Variants in ZDHHC11B observed in about 807,000 individuals in gnomAD.
ZDHHC11B encodes the protein probable palmitoyltransferase ZDHHC11B.
A neutral mutation model predicts 42.3 loss-of-function variants in ZDHHC11B; 17 were observed. That is an observed-to-expected ratio of 0.40 (90% CI 0.27 to 0.60). The LOEUF (loss-of-function observed/expected upper bound fraction) is 0.60, where lower values mean the gene tolerates loss of function less well. Ranked by LOEUF, ZDHHC11B falls within the 20% of genes least tolerant of loss-of-function variation. The pLI is 0.41. For missense variants in ZDHHC11B, 262 were observed against 463.2 expected (o/e 0.57, Z 3.99); for synonymous variants, 123 against 193.5 (o/e 0.64, Z 3.02).
At chr5:732,167 G>C (rs113006364) in intron 11 of ZDHHC11B, 2,134 of 158,154 alleles carry the variant, frequency 0.013, 114 homozygotes, top group African/African-American at 0.049. Flanking sequence ...TGTCAGTGAA[G>C]TCACGCTCAT....
chr5:770,564 G>C (rs535542967), intron 1 of ZDHHC11B, among the ~76,000 whole-genome samples: 1 of 150,486 alleles, frequency 6.6e-6, no homozygotes, highest in Non-Finnish European at 1.5e-5. Context: ...TCGGGATCAC[G>C]CACTCCCCAG....
rs1443732512 is a variant in ZDHHC11B, at chr5:716,546, A to G, written c.*7+255T>C. Among the ~76,000 whole-genome samples, 96 of 151,564 alleles carry G rather than the reference A, an allele frequency of 6.3e-4. No individual in the cohort carries two copies. The East Asian group carries it at 0.014, about 22-fold the overall frequency. On this transcript the variant is annotated intron_variant, in intron 13 of 13. Transcript: ENST00000508859. ...CTTAAAGGCAAGTATGGAAATGAGC[A>G]GTGTTCAATCTATACATTGTTTACT...
Position 725,204 on chromosome 5 carries a change from A to G in ZDHHC11B, c.1058+5230T>C, listed in dbSNP as rs1488738478. ...CTTGTGAGGACAAGCAGAGGAGGCC[A>G]TCGGAGAACCAGGAAGGGGCTCTCA... On this transcript the variant is annotated intron_variant, in intron 12 of 13. Coordinates refer to ENST00000508859, the MANE Select transcript of ZDHHC11B (RefSeq NM_001351303.2). 1.1e-4 allele frequency among the ~76,000 whole-genome samples: 16 copies of G among 150,420 alleles called. 1 individual carries two copies. The highest frequency in any genetic ancestry group is 3.7e-4 in the African/African-American group (15 of 40,374).
rs1741285656 is a variant in ZDHHC11B, at chr5:710,608, TTC to T, written c.*1680_*1681del. The stretch of plus-strand genomic sequence containing the variant: ...ATTTCACAGTACTGTGTGCTCCCAT[TTC>T]TCAGTACTGGGCTCCCATTTCCCAG... On this transcript the variant is annotated 3_prime_UTR_variant, in exon 14 of 14. Coordinates refer to ENST00000508859, the MANE Select transcript of ZDHHC11B (RefSeq NM_001351303.2). The T allele has an allele frequency of 6.5e-6, 1 of 154,172 alleles. No homozygotes were observed. Among genetic ancestry groups the T allele is most frequent in the East Asian group, 1.9e-4 (1 of 5,194 alleles). 9.6% of individuals were successfully genotyped at this position (154,172 alleles called of 1,614,324 possible).
At chr5:742,557 C>T (rs1371669626) in intron 9 of ZDHHC11B, among the ~76,000 whole-genome samples, 9 of 146,638 alleles carry the variant, frequency 6.1e-5, no homozygotes, top group Non-Finnish European at 1.0e-4. Context: ...CCATTTTCCC[C>T]GCAGTGTGTG....
At chr5:755,891 C>T in intron 5 of ZDHHC11B, 75 bp downstream of exon 5, 1 of 537,680 alleles carries the variant, frequency 1.9e-6, no homozygotes, top group Non-Finnish European at 3.0e-6. Context: ...CCCTGAGGGG[C>T]CAGCAGTGAC....
At position 733,216 on chromosome 5, in the gene ZDHHC11B, A is replaced by T. The variant is rs398751; in HGVS notation, c.1023+536T>A. Among the ~76,000 whole-genome samples the T allele has an allele frequency of 3.6e-5, 5 of 140,804 alleles. No homozygotes were observed. The East Asian group carries it at 1.0e-3, about 29-fold the overall frequency. 92.4% of individuals were successfully genotyped at this position (140,804 alleles called of 152,430 possible). A position where few individuals can be genotyped will look rare whatever the true frequency, so the allele number is the denominator to read the frequency against. Reference sequence around the variant, plus strand: ...CACACACCATTCACACACATATACAACTGACCACACACTACACACAAAACC... The same window carrying T: ...CACACACCATTCACACACATATACATCTGACCACACACTACACACAAAACC... On this transcript the variant is annotated intron_variant, in intron 11 of 13. Transcript: ENST00000508859.
At chr5:765,083 C>T (rs6899222) in intron 4 of ZDHHC11B, among the ~76,000 whole-genome samples, 10 of 54,494 alleles carry the variant, frequency 1.8e-4, no homozygotes, top group Admixed American at 4.6e-4. Context: ...ACTTGGAGAA[C>T]CTTTATGTCT....
rs1444079549 is a variant in ZDHHC11B at position 748,529 on chromosome 5, A to G, written c.659T>C (p.Phe220Ser). 1.4e-5 allele frequency: 19 copies of G among 1,364,856 alleles called. No homozygotes were observed. Among genetic ancestry groups the G allele is most frequent in the Non-Finnish European group, 1.8e-5 (18 of 1,025,026 alleles). 84.5% of individuals were successfully genotyped at this position (1,364,856 alleles called of 1,614,324 possible). A position where few individuals can be genotyped will look rare whatever the true frequency, so the allele number is the denominator to read the frequency against. Residue 220 changes from phenylalanine to serine, a missense_variant, in exon 8 of 14, where the codon TTC (phenylalanine) becomes TCC (serine). Phe to Ser is a radical substitution (Grantham distance 155). This residue lies in a region of ZDHHC11B where 57 missense variants were observed against 103.3 expected (regional missense o/e 0.55). Transcript: ENST00000508859. ...DVKNMNTWLL[F>S]LPLFPVQVQT... is the part of the protein sequence containing the mutation. ...CACCTGCACCGGGAACAGGGGGAGGAACAGCAGCCACGTGTTCATATTCTT... is the reference window on the plus strand; with the variant it reads ...CACCTGCACCGGGAACAGGGGGAGGGACAGCAGCCACGTGTTCATATTCTT...
At chr5:716,594 G>A (rs1741767518) in intron 13 of ZDHHC11B, among the ~76,000 whole-genome samples, 1 of 151,806 alleles carries the variant, frequency 6.6e-6, no homozygotes, top group Non-Finnish European at 1.5e-5. Context: ...AAGATGAATT[G>A]ATACTCTCAC....
At chr5:766,124 T>C (rs1295505271) in intron 4 of ZDHHC11B, among the ~76,000 whole-genome samples, 1 of 151,792 alleles carries the variant, frequency 6.6e-6, no homozygotes, top group African/African-American at 2.4e-5. Context: ...ACATGCCCCA[T>C]GGACATGCAC....
In ZDHHC11B at chr5:711,297, A is replaced by C. The variant is rs1451328911; in HGVS notation, c.*993T>G. ...CCCATTTCCCAGTACTGTGCTCCCA[A>C]TTCCCAGTACTGTGGGCTCCCCTTT... On this transcript the variant is annotated 3_prime_UTR_variant, in exon 14 of 14. Transcript: ENST00000508859. 4.0e-4 allele frequency: 24 copies of C among 59,428 alleles called. No individual in the cohort carries two copies. The Middle Eastern group carries it at 4.6e-3, about 11-fold the overall frequency. The allele number at this position is 59,428 out of a possible 1,614,324, so 3.7% of individuals were successfully genotyped here.
intron 1 of ZDHHC11B, among the ~76,000 whole-genome samples, chr5:777,421 T>TCCC (rs1165866063): frequency 1.3e-5 from 2 of 151,658 alleles, no homozygotes; most frequent in South Asian, 2.1e-4. Flanking sequence ...GCTGCAGACC[T>TCCC]TCGCTGCAGA....
At chr5:716,543 A>G (rs1043672900) in intron 13 of ZDHHC11B, among the ~76,000 whole-genome samples, 8 of 151,774 alleles carry the variant, frequency 5.3e-5, no homozygotes, top group Non-Finnish European at 1.2e-4. Flanking sequence ...TATGGAAATG[A>G]GCAGTGTTCA....
intron 8 of ZDHHC11B, chr5:748,023 G>T (rs1447604516): frequency 1.4e-5 from 6 of 427,734 alleles, no homozygotes; most frequent in Non-Finnish European, 2.4e-5. Flanking sequence ...ATTTCTACTT[G>T]TGCTTTTGGA....
At chr5:723,657 G>A (rs1420561698) in intron 12 of ZDHHC11B, among the ~76,000 whole-genome samples, 2 of 109,582 alleles carry the variant, frequency 1.8e-5, no homozygotes, top group African/African-American at 3.0e-5. Context: ...GGCCACAGGC[G>A]GGGTCTGGGG....
In ZDHHC11B at chr5:745,910, T is replaced by C. The variant is rs1744751309; in HGVS notation, c.785-612A>G. Among the ~76,000 whole-genome samples the C allele has an allele frequency of 3.3e-5, 5 of 149,704 alleles. 1 individual carries two copies. The South Asian group carries it at 1.1e-3, about 34-fold the overall frequency. On this transcript the variant is annotated intron_variant, in intron 8 of 13. Transcript: ENST00000508859. The stretch of plus-strand genomic sequence containing the variant: ...AGGCCCAGGAGGTGAACACGAGTGC[T>C]GTGAGTGCCACTCAGCACAGCCTCT...
chr5:780,925 T>G (rs1736912771), intron 1 of ZDHHC11B, among the ~76,000 whole-genome samples: 1 of 150,346 alleles, frequency 6.7e-6, no homozygotes. Context: ...GCAGCCACGG[T>G]GGCCAGGTTA....
At chr5:773,500 G>A (rs1369223440) in intron 1 of ZDHHC11B, among the ~76,000 whole-genome samples, 5 of 151,928 alleles carry the variant, frequency 3.3e-5, no homozygotes, top group African/African-American at 1.2e-4. Context: ...TTCACTCCCA[G>A]ACCTGTGCCC....
Sources: gnomAD v4.1 joint callset for allele counts (sites outside exome capture counted in the v4.1 genomes callset) on GRCh38, gnomAD v4.1.1 for gene constraint, gnomAD v4.1.1 regional missense constraint, MANE v1.5 for transcripts, NCBI Gene and HGNC (gene_info 2026-07-23, HGNC 2026-07-21) for gene names.